PTPRN2: variants seen among roughly 807,000 people sequenced by gnomAD.
PTPRN2 encodes receptor-type tyrosine-protein phosphatase N2.
Under a neutral mutation model 118.8 loss-of-function variants are expected in PTPRN2, and 74 were observed. That is an observed-to-expected ratio of 0.62 (90% confidence interval 0.52 to 0.76). The LOEUF (loss-of-function observed/expected upper bound fraction) is 0.76. Ranked by LOEUF, PTPRN2 falls within the 30% of genes least tolerant of loss-of-function variation. The probability of loss-of-function intolerance (pLI) is 0.00; values close to 1 mark genes in which losing one functional copy is unlikely to be tolerated. For missense variants in PTPRN2, 1,481 were observed against 1,394.4 expected, an observed-to-expected ratio of 1.06 and a Z score of -0.99; for synonymous variants, 641 against 608.0, an observed-to-expected ratio of 1.05 and a Z score of -0.80.
intron 17 of PTPRN2, among the ~76,000 whole-genome samples, chr7:157,579,502 A>G (rs550382288): frequency 2.0e-5 from 3 of 152,360 alleles, no homozygotes; most frequent in East Asian, 3.9e-4. Flanking sequence ...GAAAATGAGG[A>G]GAAACACAGA....
intron 21 of PTPRN2, among the ~76,000 whole-genome samples, chr7:157,563,121 C>G (rs1286817577): frequency 1.6e-5 from 2 of 126,086 alleles, no homozygotes; most frequent in African/African-American, 3.2e-5. Flanking sequence ...GGACCACGTG[C>G]TCCCACGTCA....
In PTPRN2 at chr7:157,598,916, C is replaced by T. The variant is rs914673261; in HGVS notation, c.2419-3601G>A. Among the ~76,000 whole-genome samples the T allele has an allele frequency of 4.5e-4, 69 of 152,256 alleles. No homozygotes were observed. The highest frequency in any genetic ancestry group is 1.5e-3 in the African/African-American group (62 of 41,546). On this transcript the variant is annotated intron_variant, in intron 16 of 22. Transcript: ENST00000389418. The surrounding 1 kb of genome is among the most constrained non-coding windows in gnomAD (Gnocchi z 5.2). ...AGCAACACATCCCGCCTAGAGAGGC[C>T]GGTACCACAGAGAATCCAGTGTGAC... is the stretch of plus-strand genomic sequence containing the variant.
chr7:158,355,489 G>C (rs555670777), intron 2 of PTPRN2, among the ~76,000 whole-genome samples: 3 of 152,346 alleles, frequency 2.0e-5, no homozygotes, highest in African/African-American at 7.2e-5. Flanking sequence ...CTGTCCGTTT[G>C]TGTCAACAGA....
intron 6 of PTPRN2, among the ~76,000 whole-genome samples, chr7:158,142,124 C>A (rs1819444985): frequency 6.6e-6 from 1 of 152,236 alleles, no homozygotes; most frequent in Non-Finnish European, 1.5e-5. Context: ...GGCTGCCCCT[C>A]CCACGAACAG....
chr7:157,684,263 C>T (rs928765291), intron 12 of PTPRN2, among the ~76,000 whole-genome samples: 3 of 151,832 alleles, frequency 2.0e-5, no homozygotes, highest in Non-Finnish European at 4.4e-5. Context: ...AAAAGACGCC[C>T]GGATTTTCCT....
chr7:158,174,056 C>T (rs1035348322), intron 5 of PTPRN2, among the ~76,000 whole-genome samples: 8 of 152,148 alleles, frequency 5.3e-5, no homozygotes, highest in Admixed American at 3.3e-4. Flanking sequence ...AGATTAAAGA[C>T]AGGCATAGGA....
chr7:158,118,519 T>C (rs774643183), intron 9 of PTPRN2, among the ~76,000 whole-genome samples: 6 of 152,088 alleles, frequency 3.9e-5, no homozygotes, highest in Non-Finnish European at 7.4e-5. Flanking sequence ...AGAAAACAAA[T>C]ATTAAAATGA....
chr7:158,275,784 G>A (rs1478482453), intron 3 of PTPRN2, among the ~76,000 whole-genome samples: 1 of 152,168 alleles, frequency 6.6e-6, no homozygotes, highest in African/African-American at 2.4e-5. Flanking sequence ...GAGTTGCAGT[G>A]ATGGGGCCTC....
rs1298577185 is a variant in PTPRN2, at chr7:157,779,419, G to A, written c.1789-96482C>T. ...CGTGTTTCCTGGGACCCTGCAGGCT[G>A]CCAGAATGACCGCCCACCCGCTGCC... On this transcript the variant is annotated intron_variant, in intron 12 of 22. Coordinates refer to ENST00000389418, the MANE Select transcript of PTPRN2 (RefSeq NM_002847.5). The surrounding 1 kb of genome is among the most constrained non-coding windows in gnomAD (Gnocchi z 4.7). Among the ~76,000 whole-genome samples, 1 of 152,188 alleles carries A rather than the reference G, an allele frequency of 6.6e-6. No homozygotes were observed. Among genetic ancestry groups the A allele is most frequent in the East Asian group, 1.9e-4 (1 of 5,186 alleles).
chr7:158,195,978 C>T (rs1183819604), intron 4 of PTPRN2, among the ~76,000 whole-genome samples: 3 of 152,170 alleles, frequency 2.0e-5, no homozygotes, highest in African/African-American at 7.2e-5. Flanking sequence ...ACTTTTAAGT[C>T]TTGTTTGGCA....
At chr7:158,262,780 AC>A (rs1797563592) in intron 3 of PTPRN2, among the ~76,000 whole-genome samples, 1 of 136,702 alleles carries the variant, frequency 7.3e-6, no homozygotes. Flanking sequence ...ATTCACACAC[AC>A]TACACACATA....
chr7:158,376,382 T>C (rs1810508974), intron 2 of PTPRN2, among the ~76,000 whole-genome samples: 1 of 146,188 alleles, frequency 6.8e-6, no homozygotes, highest in African/African-American at 2.6e-5. Flanking sequence ...TCACACGTCC[T>C]GCGAGGGGGG....
intron 4 of PTPRN2, among the ~76,000 whole-genome samples, chr7:158,199,623 C>A (rs113418280): frequency 0.11 from 17,467 of 152,220 alleles, 1,239 homozygotes; most frequent in Non-Finnish European, 0.16. Flanking sequence ...ATGGTGGATT[C>A]TTGTTCAGCT....
At chr7:158,420,715 C>G (rs777051652) in intron 2 of PTPRN2, among the ~76,000 whole-genome samples, 1 of 152,220 alleles carries the variant, frequency 6.6e-6, no homozygotes, top group Non-Finnish European at 1.5e-5. Flanking sequence ...TACTCCCCAT[C>G]ATCCGAGTGG....
chr7:157,693,234 AGC>A (rs1037059510), intron 12 of PTPRN2, among the ~76,000 whole-genome samples: 1 of 151,924 alleles, frequency 6.6e-6, no homozygotes, highest in African/African-American at 2.4e-5. Flanking sequence ...AGCAACGGCC[AGC>A]GCGCGCGTCT....
chr7:158,330,725 CGTGCAGACGTCA>C (rs1804194641), intron 2 of PTPRN2, among the ~76,000 whole-genome samples: 3 of 114,276 alleles, frequency 2.6e-5, no homozygotes, highest in Admixed American at 9.8e-5. Flanking sequence ...AGAGCCGACA[CGTGCAGACGTCA>C]CTCACACCCA....
At chr7:158,319,631 A>G (rs974649621) in intron 2 of PTPRN2, among the ~76,000 whole-genome samples, 9 of 24,274 alleles carry the variant, frequency 3.7e-4, no homozygotes, top group East Asian at 1.4e-3. Context: ...AGCCTCCCTC[A>G]CACACACACA....
chr7:157,891,564 C>A (rs541808270), intron 12 of PTPRN2, among the ~76,000 whole-genome samples: 5 of 151,676 alleles, frequency 3.3e-5, no homozygotes, highest in African/African-American at 1.2e-4. Flanking sequence ...ACACCCCCAC[C>A]CCCCATCCCA....
intron 3 of PTPRN2, among the ~76,000 whole-genome samples, chr7:158,305,751 G>C (rs1262965089): frequency 6.7e-6 from 1 of 149,258 alleles, no homozygotes; most frequent in Non-Finnish European, 1.5e-5. Context: ...ACAGAACTCT[G>C]GAAATTAACT....
Sources: gnomAD v4.1 joint callset for allele counts (sites outside exome capture counted in the v4.1 genomes callset) on GRCh38, gnomAD v4.1.1 for gene constraint, Gnocchi (gnomAD v3.1) non-coding constraint, MANE v1.5 for transcripts, NCBI Gene and HGNC (gene_info 2026-07-23, HGNC 2026-07-21) for gene names.